CAMK1D: variants seen among roughly 807,000 people sequenced by gnomAD.
The protein encoded by CAMK1D is calcium/calmodulin-dependent protein kinase type 1D.
Under a neutral mutation model 47.7 loss-of-function variants are expected in CAMK1D, and 9 were observed. The observed-to-expected ratio is 0.19, with a 90% confidence interval of 0.11 to 0.33. The LOEUF is 0.33. Ranked by LOEUF, CAMK1D falls within the 10% of genes least tolerant of loss-of-function variation. The pLI is 1.00. For missense variants in CAMK1D, 291 were observed against 488.7 expected, an observed-to-expected ratio of 0.60 and a Z score of 3.81; for synonymous variants, 184 against 184.9, an observed-to-expected ratio of 0.99 and a Z score of 0.04.
intron 9 of CAMK1D, 77 bp downstream of exon 9, chr10:12,824,629 A>C: frequency 8.6e-7 from 1 of 1,167,842 alleles, no homozygotes; most frequent in Non-Finnish European, 1.3e-6. Flanking sequence ...GCATTTCTGA[A>C]ATCCCCAGAA....
At chr10:12,396,390 T>TG (rs1263045761) in intron 1 of CAMK1D, among the ~76,000 whole-genome samples, 2 of 152,208 alleles carry the variant, frequency 1.3e-5, no homozygotes, top group Non-Finnish European at 2.9e-5. Flanking sequence ...TGACTGCTGT[T>TG]GGGGTTTTCT....
At chr10:12,429,178 T>C (rs996848902) in intron 1 of CAMK1D, among the ~76,000 whole-genome samples, 1 of 152,000 alleles carries the variant, frequency 6.6e-6, no homozygotes, top group African/African-American at 2.4e-5. Flanking sequence ...CCCCAAGCCC[T>C]CTCTGGTCTC....
intron 3 of CAMK1D, among the ~76,000 whole-genome samples, chr10:12,710,103 A>C (rs1008032): frequency 0.022 from 3,411 of 152,334 alleles, 64 homozygotes; most frequent in South Asian, 0.045. Context: ...CATGAGGATT[A>C]AATGAAATAC....
At chr10:12,437,136 A>ACTGT (rs141760631) in intron 1 of CAMK1D, among the ~76,000 whole-genome samples, 4 of 150,802 alleles carry the variant, frequency 2.7e-5, no homozygotes, top group African/African-American at 9.8e-5. Flanking sequence ...AAACAGACCG[A>ACTGT]CTATCTATCT....
intron 6 of CAMK1D, among the ~76,000 whole-genome samples, chr10:12,792,256 GGCTTGTTGCAGTTAT>G (rs1262530952): frequency 6.6e-6 from 1 of 151,652 alleles, no homozygotes; most frequent in Non-Finnish European, 1.5e-5. Context: ...CTAGGCCATA[GGCTTGTTGCAGTTAT>G]TTCAGGATCA....
chr10:12,738,463 A>G (rs75040668), intron 3 of CAMK1D, among the ~76,000 whole-genome samples: 9,540 of 152,266 alleles, frequency 0.063, 932 homozygotes, highest in African/African-American at 0.21. Context: ...ATGTAAACAA[A>G]GATATTTATG....
intron 2 of CAMK1D, among the ~76,000 whole-genome samples, chr10:12,647,993 G>C (rs1839857593): frequency 6.6e-6 from 1 of 152,222 alleles, no homozygotes; most frequent in Non-Finnish European, 1.5e-5. Flanking sequence ...GTCAGAGATA[G>C]GATGCAAAGC....
At chr10:12,761,834 C>A (rs1178311376) in intron 4 of CAMK1D, among the ~76,000 whole-genome samples, 1 of 152,104 alleles carries the variant, frequency 6.6e-6, no homozygotes, top group Non-Finnish European at 1.5e-5. Flanking sequence ...TGCAGTGAGC[C>A]GAGATCGCAC....
chr10:12,428,177 G>A (rs981229666), intron 1 of CAMK1D, among the ~76,000 whole-genome samples: 10 of 151,738 alleles, frequency 6.6e-5, no homozygotes, highest in African/African-American at 1.2e-4. Context: ...CCCCTATCCC[G>A]CCATCCCCTG....
intron 1 of CAMK1D, among the ~76,000 whole-genome samples, chr10:12,466,839 G>A (rs1833606453): frequency 6.6e-6 from 1 of 152,100 alleles, no homozygotes. Context: ...CACGAGCTGA[G>A]AGCGACATCT....
At chr10:12,801,207 A>T (rs1419467025) in intron 6 of CAMK1D, among the ~76,000 whole-genome samples, 1 of 151,854 alleles carries the variant, frequency 6.6e-6, no homozygotes, top group African/African-American at 2.4e-5. Flanking sequence ...GAACTTTCAG[A>T]TGTTACATCT....
chr10:12,592,694 C>T (rs539852569), intron 2 of CAMK1D, among the ~76,000 whole-genome samples: 1 of 152,316 alleles, frequency 6.6e-6, no homozygotes, highest in African/African-American at 2.4e-5. Context: ...ATCTGAAGTG[C>T]TCCAAACACA....
At chr10:12,565,072 G>A (rs1320810476) in intron 2 of CAMK1D, among the ~76,000 whole-genome samples, 6 of 152,028 alleles carry the variant, frequency 3.9e-5, no homozygotes, top group African/African-American at 7.2e-5. Context: ...TTAGCCTGGT[G>A]TAGTGGCATG....
intron 2 of CAMK1D, among the ~76,000 whole-genome samples, chr10:12,648,429 A>G (rs1223775038): frequency 6.6e-6 from 1 of 152,174 alleles, no homozygotes; most frequent in African/African-American, 2.4e-5. Context: ...CTACTCCGCT[A>G]GATGGACTTC....
rs1833178032 is a variant in CAMK1D at position 12,825,666 on chromosome 10, C to G, written c.1015C>G (p.Leu339Val). The change falls in exon 10 of 11, where the codon CTC (leucine) becomes GTC (valine). Residue 339 changes from leucine to valine, a missense_variant. Leu to Val is a conservative substitution (Grantham distance 32). This residue lies in a region of CAMK1D where 72 missense variants were observed against 64.4 expected (regional missense o/e 1.12). Transcript: ENST00000619168. ...TTCAAATGCAAGTGTTTCGAGCAGC[C>G]TCAGTTTGGCCAGCCAAAAAGACTG... is the stretch of plus-strand genomic sequence containing the variant. ...DSSNASVSSSLSLASQKDCLA... is the reference protein window; with the variant it reads ...DSSNASVSSSVSLASQKDCLA... The G allele has an allele frequency of 6.2e-7, 1 of 1,614,250 alleles. No individual in the cohort carries two copies.
Position 12,431,602 on chromosome 10 carries a change from G to T in CAMK1D, c.92+81692G>T, listed in dbSNP as rs114624868. 1.8e-3 allele frequency among the ~76,000 whole-genome samples: 276 copies of T among 152,270 alleles called. 2 individuals are homozygous for T. Among genetic ancestry groups the T allele is most frequent in the African/African-American group, 6.1e-3 (252 of 41,546 alleles). On this transcript the variant is annotated intron_variant, in intron 1 of 10. Coordinates refer to ENST00000619168, the MANE Select transcript of CAMK1D (RefSeq NM_153498.4). ...AGATCCTTCAGAGCGCCTGCCTATC[G>T]TGGAGCACCTGAGGAACCCAGGGTG... is the stretch of plus-strand genomic sequence containing the variant.
intron 2 of CAMK1D, among the ~76,000 whole-genome samples, chr10:12,611,860 T>G (rs1420240852): frequency 1.3e-5 from 2 of 152,160 alleles, no homozygotes; most frequent in Non-Finnish European, 2.9e-5. Context: ...CCCAAAGTGC[T>G]GGGATTACAG....
At chr10:12,497,985 C>G (rs1037398672) in intron 1 of CAMK1D, among the ~76,000 whole-genome samples, 13 of 152,144 alleles carry the variant, frequency 8.5e-5, no homozygotes, top group Non-Finnish European at 1.5e-4. Context: ...TGGTAGCAGG[C>G]AAGAGAACGT....
At chr10:12,828,387 T>C (rs1387336797) in intron 10 of CAMK1D, among the ~76,000 whole-genome samples, 1 of 152,128 alleles carries the variant, frequency 6.6e-6, no homozygotes, top group Non-Finnish European at 1.5e-5. Context: ...ACACCCGTAA[T>C]CCCAGCACTT....
Sources: gnomAD v4.1 joint callset for allele counts (sites outside exome capture counted in the v4.1 genomes callset) on GRCh38, gnomAD v4.1.1 for gene constraint, gnomAD v4.1.1 regional missense constraint, MANE v1.5 for transcripts, NCBI Gene and HGNC (gene_info 2026-07-23, HGNC 2026-07-21) for gene names.